MYLK: variants seen among roughly 807,000 people sequenced by gnomAD.
MYLK encodes the protein myosin light chain kinase, smooth muscle.
Under a neutral mutation model 203.4 loss-of-function variants are expected in MYLK, and 106 were observed. The observed-to-expected ratio is 0.52, with a 90% CI of 0.45 to 0.61. The LOEUF is 0.61. Among genes scored for constraint, MYLK ranks in the 20% least tolerant of loss-of-function variants. The pLI is 0.00. For synonymous variants in MYLK, 867 were observed against 959.5 expected, an observed-to-expected ratio of 0.90 and a Z score of 1.78; for missense variants, 2,072 against 2,442.3, an observed-to-expected ratio of 0.85 and a Z score of 3.20.
intron 1 of MYLK, among the ~76,000 whole-genome samples, chr3:123,878,583 T>G (rs544631517): frequency 6.6e-6 from 1 of 152,332 alleles, no homozygotes; most frequent in South Asian, 2.1e-4. Flanking sequence ...GGAACCAATG[T>G]GTATCCATTC....
intron 5 of MYLK, among the ~76,000 whole-genome samples, chr3:123,746,151 C>T (rs1271680700): frequency 2.6e-5 from 4 of 152,050 alleles, no homozygotes; most frequent in Admixed American, 1.3e-4. Context: ...CCACCATGCC[C>T]GGCTTTATTT....
intron 5 of MYLK, among the ~76,000 whole-genome samples, chr3:123,752,020 C>G (rs2063209282): frequency 6.6e-6 from 1 of 151,892 alleles, no homozygotes; most frequent in Non-Finnish European, 1.5e-5. Context: ...AGGGAGGGGC[C>G]AGATTGGGTG....
chr3:123,794,188 G>T (rs2064900326), intron 3 of MYLK, among the ~76,000 whole-genome samples: 1 of 152,158 alleles, frequency 6.6e-6, no homozygotes, highest in Non-Finnish European at 1.5e-5. Context: ...TCTTATAATA[G>T]ATATCTATAA....
At chr3:123,627,065 G>A (rs150759921) in intron 30 of MYLK, 124 bp from the exon 31 acceptor site, 35 of 1,060,952 alleles carry the variant, frequency 3.3e-5, no homozygotes, top group Middle Eastern at 2.9e-4. Flanking sequence ...CCCTGCTCCC[G>A]GACCATCCAC....
rs60841888 is a variant in MYLK at position 123,674,647 on chromosome 3, G to A, written c.3653-7460C>T. Among the ~76,000 whole-genome samples, 4,006 of 152,332 alleles carry A rather than the reference G, an allele frequency of 0.026. 360 individuals are homozygous for A. In the East Asian group the frequency reaches 0.34, roughly 13 times the overall value. On this transcript the variant is annotated intron_variant, in intron 20 of 33. Transcript: ENST00000360304. ...TTCTTGGCTTCCAGGTGCTGGTGCT[G>A]CTACTGCTGCTGGTCCCTGCACCTT...
Position 123,707,775 on chromosome 3 carries a change from C to T in MYLK, c.2369G>A (p.Gly790Asp). 1 of 1,614,188 alleles carries T rather than the reference C, an allele frequency of 6.2e-7. No individual in the cohort carries two copies. Among genetic ancestry groups the T allele is most frequent in the Admixed American group, 1.7e-5 (1 of 60,022 alleles). ...VLKKVQPWHAGQYEILLKNRV... is the reference protein window; with the variant it reads ...VLKKVQPWHADQYEILLKNRV... ...TCACTTGAGCAGGATCTCATACTGG[C>T]CGGCATGCCAGGGCTGCACCTTCTT... The change falls in exon 16 of 34, where the codon GGC (glycine) becomes GAC (aspartate). Residue 790 changes from glycine (G) to aspartate (D), a missense_variant. This residue lies in a region of MYLK where 865 missense variants were observed against 1,016.0 expected (regional missense o/e 0.85). Coordinates refer to ENST00000360304, the MANE Select transcript of MYLK (RefSeq NM_053025.4).
At chr3:123,776,547 G>A (rs1233925708) in intron 4 of MYLK, among the ~76,000 whole-genome samples, 1 of 152,118 alleles carries the variant, frequency 6.6e-6, no homozygotes, top group African/African-American at 2.4e-5. Context: ...GCCAACAGAG[G>A]AATGATTCAG....
At chr3:123,827,976 A>G (rs1402172346) in intron 3 of MYLK, among the ~76,000 whole-genome samples, 2 of 151,758 alleles carry the variant, frequency 1.3e-5, no homozygotes, top group African/African-American at 4.8e-5. Flanking sequence ...CACTGATGAA[A>G]GAGATTGAAG....
chr3:123,704,874 C>T (rs1194880086), intron 16 of MYLK, among the ~76,000 whole-genome samples: 1 of 151,816 alleles, frequency 6.6e-6, no homozygotes, highest in Non-Finnish European at 1.5e-5. Context: ...GAGCCAAGAT[C>T]GTGCCACTGC....
chr3:123,682,206 A>G lies in MYLK; in HGVS notation c.3652+18T>C, dbSNP rs765094650. 1 of 1,585,984 alleles carries G rather than the reference A, an allele frequency of 6.3e-7. No individual in the cohort carries two copies. The highest frequency in any genetic ancestry group is 1.8e-5 in the Admixed American group (1 of 55,898). On this transcript the variant is annotated intron_variant, in intron 20 of 33. Coordinates refer to ENST00000360304, the MANE Select transcript of MYLK (RefSeq NM_053025.4). ...CCCTGCCTCTGCCTCTGCCTGGTGA[A>G]GCTGGGCGAGTACTCACTCTCAGTT...
chr3:123,755,504 C>T (rs2063332819), intron 4 of MYLK, among the ~76,000 whole-genome samples: 1 of 152,204 alleles, frequency 6.6e-6, no homozygotes, highest in Admixed American at 6.5e-5. Flanking sequence ...TTTTATAGCA[C>T]ATTGGACCTG....
At chr3:123,844,627 G>A (rs752094434) in intron 2 of MYLK, among the ~76,000 whole-genome samples, 1 of 152,030 alleles carries the variant, frequency 6.6e-6, no homozygotes, top group African/African-American at 2.4e-5. Flanking sequence ...TGATAAAGAC[G>A]GAGGGGCAGG....
chr3:123,729,677 T>C (rs2062409027), intron 11 of MYLK, among the ~76,000 whole-genome samples: 1 of 152,080 alleles, frequency 6.6e-6, no homozygotes, highest in African/African-American at 2.4e-5. Flanking sequence ...AGCAAGGAGT[T>C]CAAGTCCAGC....
At chr3:123,856,403 G>A (rs2031377791) in intron 2 of MYLK, among the ~76,000 whole-genome samples, 1 of 152,086 alleles carries the variant, frequency 6.6e-6, no homozygotes, top group South Asian at 2.1e-4. Context: ...TAACAACAGG[G>A]GTTATTTCAC....
chr3:123,699,317 G>A (rs960720628), intron 18 of MYLK, among the ~76,000 whole-genome samples: 1 of 152,140 alleles, frequency 6.6e-6, no homozygotes, highest in Non-Finnish European at 1.5e-5. Context: ...CACACAGATG[G>A]AAGGATTTGG....
At chr3:123,661,875 AGTCGGGCCAGGGT>A (rs1165143272) in intron 23 of MYLK, among the ~76,000 whole-genome samples, 4 of 152,068 alleles carry the variant, frequency 2.6e-5, no homozygotes, top group African/African-American at 9.7e-5. Flanking sequence ...CTCTCTGGGG[AGTCGGGCCAGGGT>A]GTGGAACCTG....
At chr3:123,727,517 T>C (rs78470450) in intron 11 of MYLK, among the ~76,000 whole-genome samples, 2,209 of 152,310 alleles carry the variant, frequency 0.015, 47 homozygotes, top group African/African-American at 0.049. Context: ...TCTTGTAAGA[T>C]TGTTGGGATA....
rs1200981327 is a variant in MYLK, at chr3:123,700,630, G to C, written c.2838C>G (p.His946Gln). Residue 946 changes from histidine to glutamine, a missense_variant, in exon 18 of 34, where the codon CAC becomes CAG. By Grantham distance (24) the His-to-Gln change is conservative. This residue lies in a region of MYLK where 865 missense variants were observed against 1,016.0 expected (regional missense o/e 0.85). Transcript: ENST00000360304. ...AGCGAAAATCGACCTGCTGGGGGCT[G>C]TGCACCTTCCTCTCTTCCTCAGACA... is the stretch of plus-strand genomic sequence containing the variant. ...KTVSEEERKV[H>Q]SPQQVDFRSV... 3.1e-6 allele frequency: 5 copies of C among 1,613,970 alleles called. No individual in the cohort carries two copies. The highest frequency in any genetic ancestry group is 4.2e-6 in the Non-Finnish European group (5 of 1,180,040).
intron 3 of MYLK, among the ~76,000 whole-genome samples, chr3:123,796,666 C>T (rs2109124846): frequency 6.6e-6 from 1 of 152,252 alleles, no homozygotes; most frequent in African/African-American, 2.4e-5. Flanking sequence ...ACACTCTTGG[C>T]TCCGACAATA....
Sources: gnomAD v4.1 joint callset for allele counts (sites outside exome capture counted in the v4.1 genomes callset) on GRCh38, gnomAD v4.1.1 for gene constraint, gnomAD v4.1.1 regional missense constraint, MANE v1.5 for transcripts, NCBI Gene and HGNC (gene_info 2026-07-23, HGNC 2026-07-21) for gene names.